The following MCTP2 variants were observed in gnomAD, a reference collection of about 807,000 sequenced individuals.
MCTP2 encodes multiple C2 and transmembrane domain-containing protein 2.
Under a neutral mutation model 111.6 loss-of-function variants are expected in MCTP2, and 132 were observed. The observed-to-expected ratio is 1.18, with a 90% confidence interval of 1.03 to 1.37. The LOEUF is 1.37. MCTP2 is among the 40% of genes most tolerant of loss of function. The pLI is 0.00. For synonymous variants in MCTP2, 395 were observed against 387.7 expected (o/e 1.02, Z -0.22); for missense variants, 1,183 against 1,067.9 (o/e 1.11, Z -1.50).
chr15:94,435,032 T>G (rs978032870), intron 17 of MCTP2, among the ~76,000 whole-genome samples: 6 of 152,004 alleles, frequency 3.9e-5, no homozygotes, highest in African/African-American at 1.4e-4. Flanking sequence ...CCTGGCTAAT[T>G]TTTCTATTTT....
At chr15:94,312,073 G>A (rs751415577) in intron 2 of MCTP2, among the ~76,000 whole-genome samples, 54 of 152,304 alleles carry the variant, frequency 3.5e-4, no homozygotes, top group Non-Finnish European at 6.0e-4. Context: ...AATGGGATTG[G>A]TTAGGTAGAG....
intron 20 of MCTP2, among the ~76,000 whole-genome samples, chr15:94,461,733 A>C (rs1367760059): frequency 6.6e-6 from 1 of 152,194 alleles, no homozygotes; most frequent in East Asian, 1.9e-4. Flanking sequence ...ATGATGTGAA[A>C]AAATACTAAG....
intron 1 of MCTP2, among the ~76,000 whole-genome samples, chr15:94,236,875 C>T (rs1596119382): frequency 6.6e-6 from 1 of 152,028 alleles, no homozygotes; most frequent in Non-Finnish European, 1.5e-5. Flanking sequence ...TTGATTAAGG[C>T]CTTAGGGAAG....
chr15:94,370,157 A>T lies in MCTP2; in HGVS notation c.1559A>T (p.Asp520Val). The change falls in exon 12 of 23, where the codon GAT becomes GTT. Residue 520 changes from aspartate (D) to valine (V), a missense_variant. Asp to Val is a radical substitution (Grantham distance 152). Transcript: ENST00000357742. The part of the protein sequence containing the change: ...ILQVKVLKAA[D>V]LLAADFSGKS... ...CAAGTGAAGGTTTTAAAGGCAGCAG[A>T]TCTCTTAGCGGCAGATTTCTCAGGT... 6.2e-7 allele frequency: 1 copy of T among 1,612,964 alleles called. No individual in the cohort carries two copies. The highest frequency in any genetic ancestry group is 8.5e-7 in the Non-Finnish European group (1 of 1,179,488).
intron 19 of MCTP2, among the ~76,000 whole-genome samples, chr15:94,457,551 A>G (rs2084912182): frequency 6.6e-6 from 1 of 152,132 alleles, no homozygotes; most frequent in Non-Finnish European, 1.5e-5. Flanking sequence ...CCAGCAGTGC[A>G]CTGTGGGGTT....
intron 12 of MCTP2, among the ~76,000 whole-genome samples, chr15:94,380,178 T>C (rs1249134796): frequency 2.0e-5 from 3 of 152,054 alleles, no homozygotes; most frequent in East Asian, 1.9e-4. Flanking sequence ...AGCATACATA[T>C]ATTGGGTGTG....
chr15:94,324,670 C>T (rs1596358583), intron 4 of MCTP2, among the ~76,000 whole-genome samples: 1 of 152,058 alleles, frequency 6.6e-6, no homozygotes, highest in African/African-American at 2.4e-5. Context: ...AAATGTGCTA[C>T]ATAAGTCAAG....
chr15:94,276,059 T>G (rs984219228), intron 1 of MCTP2, among the ~76,000 whole-genome samples: 6 of 152,060 alleles, frequency 3.9e-5, no homozygotes, highest in East Asian at 1.9e-4. Context: ...TTAGCCAGGA[T>G]GGTCTTGATC....
At chr15:94,277,003 C>T (rs2074253217) in intron 1 of MCTP2, among the ~76,000 whole-genome samples, 1 of 150,082 alleles carries the variant, frequency 6.7e-6, no homozygotes, top group Admixed American at 6.6e-5. Flanking sequence ...AAACTGTCCT[C>T]ATTTGAAAAT....
chr15:94,306,640 A>G (rs2075892617), intron 2 of MCTP2, among the ~76,000 whole-genome samples: 1 of 152,234 alleles, frequency 6.6e-6, no homozygotes, highest in African/African-American at 2.4e-5. Context: ...GCTCATTGTC[A>G]TGGTCAATAA....
intron 17 of MCTP2, among the ~76,000 whole-genome samples, chr15:94,422,905 A>G (rs1249416732): frequency 6.6e-6 from 1 of 152,136 alleles, no homozygotes; most frequent in Non-Finnish European, 1.5e-5. Flanking sequence ...TATGTTGCCC[A>G]GGCTGGCCTC....
At chr15:94,469,075 A>C (rs186179404) in intron 20 of MCTP2, among the ~76,000 whole-genome samples, 5 of 152,344 alleles carry the variant, frequency 3.3e-5, no homozygotes, top group African/African-American at 7.2e-5. Flanking sequence ...TACATTCTAA[A>C]TATGTGAACA....
At chr15:94,455,445 G>GT (rs531272807) in intron 19 of MCTP2, among the ~76,000 whole-genome samples, 2,091 of 143,956 alleles carry the variant, frequency 0.015, 34 homozygotes, top group African/African-American at 0.045. Context: ...TCTTTCTGTT[G>GT]TTTTTTTTTT....
intron 17 of MCTP2, among the ~76,000 whole-genome samples, chr15:94,429,820 C>T (rs1366505597): frequency 6.6e-6 from 1 of 152,198 alleles, no homozygotes; most frequent in Admixed American, 6.5e-5. Context: ...CTGTGTGTCT[C>T]CACGTGGACA....
intron 14 of MCTP2, among the ~76,000 whole-genome samples, chr15:94,386,072 GTT>G (rs1312004881): frequency 1.1e-4 from 17 of 152,092 alleles, no homozygotes; most frequent in Non-Finnish European, 2.4e-4. Context: ...AAGGAAAAGA[GTT>G]TTCGCAGTCC....
At position 94,482,018 on chromosome 15, in the gene MCTP2, TA is replaced by T. The variant is rs1321751386; in HGVS notation, c.*2985del. On this transcript the variant is annotated 3_prime_UTR_variant, in exon 23 of 23. Transcript: ENST00000357742. ...ATGTCTTATATTTGAAGTTCTTACC[TA>T]CATATCAGAGGAAAATATAATGTTT... 1 of 152,236 alleles carries T rather than the reference TA, an allele frequency of 6.6e-6. No individual in the cohort carries two copies. The highest frequency in any genetic ancestry group is 1.9e-4 in the East Asian group (1 of 5,200). The allele number at this position is 152,236 out of a possible 1,614,324, so 9.4% of individuals were successfully genotyped here. A position where few individuals can be genotyped will look rare whatever the true frequency, so the allele number is the denominator to read the frequency against.
At chr15:94,363,627 T>G (rs1418328701) in intron 10 of MCTP2, among the ~76,000 whole-genome samples, 1 of 152,182 alleles carries the variant, frequency 6.6e-6, no homozygotes, top group Admixed American at 6.5e-5. Context: ...ATTCCATGTC[T>G]TGCAGATGAG....
chr15:94,248,211 A>T (rs1002527963), intron 1 of MCTP2, among the ~76,000 whole-genome samples: 1 of 152,156 alleles, frequency 6.6e-6, no homozygotes, highest in African/African-American at 2.4e-5. Context: ...AGGTCACATT[A>T]TGTAACTAAT....
chr15:94,361,818 T>C (rs1421762511), intron 10 of MCTP2, among the ~76,000 whole-genome samples: 8 of 152,210 alleles, frequency 5.3e-5, no homozygotes, highest in East Asian at 1.9e-4. Flanking sequence ...TAGGTCAGCC[T>C]GAACAATACT....
Sources: allele counts gnomAD v4.1 joint callset (sites outside exome capture counted in the v4.1 genomes callset), GRCh38; gene constraint gnomAD v4.1.1; transcripts MANE v1.5; gene names NCBI Gene and HGNC (gene_info 2026-07-23, HGNC 2026-07-21).